Variants in TULP1 observed in about 807,000 individuals in gnomAD.
The protein encoded by TULP1 is tubby-related protein 1.
In TULP1, 50 loss-of-function variants were observed where a neutral mutation model predicts 67.1. That is an observed-to-expected ratio of 0.75 (90% CI 0.59 to 0.94). The LOEUF (loss-of-function observed/expected upper bound fraction) is 0.94. Ranked by LOEUF, TULP1 falls within the 40% of genes least tolerant of loss-of-function variation. The pLI is 0.00. For missense variants in TULP1, 746 were observed against 734.1 expected (o/e 1.02, Z -0.19); for synonymous variants, 297 against 294.0 (o/e 1.01, Z -0.11).
chr6:35,509,870 A>C lies in TULP1; in HGVS notation c.558T>G (p.Ala186=). ...PKPLRVRNKE[A]PAGEGTKMRK... is the part of the protein sequence containing the mutation. ...TCATCTTGGTCCCCTCCCCTGCTGG[A>C]GCTTCCTTATTCCTAACACGCAGAG... is the stretch of plus-strand genomic sequence containing the variant. Residue 186 remains alanine (A), a synonymous_variant, in exon 6 of 15, where the codon GCT becomes GCG. Coordinates refer to ENST00000229771, the MANE Select transcript of TULP1 (RefSeq NM_003322.6). The C allele has an allele frequency of 6.2e-7, 1 of 1,613,678 alleles. No individual in the cohort carries two copies. Among genetic ancestry groups the C allele is most frequent in the Non-Finnish European group, 8.5e-7 (1 of 1,179,934 alleles).
rs1405332347 is a variant in TULP1, at chr6:35,512,222, CG to C, written c.147del (p.Glu50AsnfsTer59). 4 of 1,368,656 alleles carry C rather than the reference CG, an allele frequency of 2.9e-6. No individual in the cohort carries two copies. The highest frequency in any genetic ancestry group is 1.9e-6 in the Non-Finnish European group (2 of 1,060,396). The allele number at this position is 1,368,656 out of a possible 1,614,324, so 84.8% of individuals were successfully genotyped here. A position where few individuals can be genotyped will look rare whatever the true frequency, so the allele number is the denominator to read the frequency against. On this transcript the variant is annotated frameshift_variant, in exon 3 of 15. Coordinates refer to ENST00000229771, the MANE Select transcript of TULP1 (RefSeq NM_003322.6). LOFTEE classifies it high-confidence loss of function. ...QRLRKKRTEA[P>X]ESPCPTGSKP... is the part of the protein sequence containing the mutation. The stretch of plus-strand genomic sequence containing the variant: ...TTGGATCCCGTGGGGCAGGGGGATT[CG>C]GGGGCCTCCGTCCTCTTCTTCCTTA...
intron 13 of TULP1, among the ~76,000 whole-genome samples, chr6:35,501,604 G>A (rs1298180154): frequency 2.1e-5 from 3 of 141,978 alleles, no homozygotes; most frequent in African/African-American, 6.1e-5. Context: ...TTGAGGTCAG[G>A]AGTTCAAGAC....
At chr6:35,501,884 C>T (rs766774044) in intron 13 of TULP1, among the ~76,000 whole-genome samples, 8 of 152,206 alleles carry the variant, frequency 5.3e-5, no homozygotes, top group Non-Finnish European at 1.0e-4. Flanking sequence ...TCCCATTTCT[C>T]TCAGAGCAAA....
chr6:35,509,236 C>T lies in TULP1; in HGVS notation c.795G>A (p.Lys265=). Residue 265 remains lysine, a synonymous_variant, in exon 8 of 15, where the codon AAG becomes AAA. Coordinates refer to ENST00000229771, the MANE Select transcript of TULP1 (RefSeq NM_003322.6). ...TTTTGCCTTTTCCTTTGGCTTTGCC[C>T]TTTTGATTGCTCTTCTTTATCACCG... ...AATVIKKSNQ[K]GKAKGKGKKK... 1 of 1,614,024 alleles carries T rather than the reference C, an allele frequency of 6.2e-7. No homozygotes were observed. Among genetic ancestry groups the T allele is most frequent in the Middle Eastern group, 1.6e-4 (1 of 6,062 alleles).
intron 11 of TULP1, among the ~76,000 whole-genome samples, chr6:35,504,855 C>T (rs943023401): frequency 6.6e-6 from 1 of 151,590 alleles, no homozygotes; most frequent in African/African-American, 2.4e-5. Context: ...TGTGAGCCAT[C>T]ACGCCTGGCC....
chr6:35,502,718 C>T (rs1760993570), intron 13 of TULP1, among the ~76,000 whole-genome samples: 1 of 151,934 alleles, frequency 6.6e-6, no homozygotes, highest in Non-Finnish European at 1.5e-5. Flanking sequence ...AGGCTGGTCT[C>T]GAACTCCTGA....
Position 35,511,678 on chromosome 6 carries a change from G to A in TULP1, c.319C>T (p.Leu107=), listed in dbSNP as rs1307896376. Residue 107 remains leucine (L), a synonymous_variant, in exon 4 of 15, where the codon CTG becomes TTG. Coordinates refer to ENST00000229771, the MANE Select transcript of TULP1 (RefSeq NM_003322.6). ...AKKRDPRETF[L]VARAPDAEDE... is the part of the protein sequence containing the mutation. ...TCCGCGTCTGGGGCACGGGCTACCAGAAAGGTTTCCCGGGGGTCGCGCTTC... is the reference window on the plus strand; with the variant it reads ...TCCGCGTCTGGGGCACGGGCTACCAAAAAGGTTTCCCGGGGGTCGCGCTTC... 1 of 1,596,508 alleles carries A rather than the reference G, an allele frequency of 6.3e-7. No homozygotes were observed. The highest frequency in any genetic ancestry group is 1.3e-5 in the African/African-American group (1 of 74,606).
Position 35,498,571 on chromosome 6 carries a change from C to T in TULP1, c.1496-111G>A. The T allele has an allele frequency of 6.7e-7, 1 of 1,493,920 alleles. No homozygotes were observed. Among genetic ancestry groups the T allele is most frequent in the Non-Finnish European group, 9.1e-7 (1 of 1,099,662 alleles). 92.5% of individuals were successfully genotyped at this position (1,493,920 alleles called of 1,614,324 possible). On this transcript the variant is annotated intron_variant, in intron 14 of 14. Coordinates refer to ENST00000229771, the MANE Select transcript of TULP1 (RefSeq NM_003322.6). The surrounding 1 kb of genome is among the most constrained non-coding windows in gnomAD (Gnocchi z 6.7). ...TCTGTCCCTTGCCTTGGGGCTCCAA[C>T]CCTCAGCCACCATCTCAGTTACTCA...
rs1295484055 is a variant in TULP1 at position 35,511,517 on chromosome 6, A to G, written c.349+131T>C. 4.3e-6 allele frequency: 6 copies of G among 1,409,174 alleles called. No individual in the cohort carries two copies. In the East Asian group the frequency reaches 1.5e-4, roughly 35 times the overall value. The allele number at this position is 1,409,174 out of a possible 1,614,324, so 87.3% of individuals were successfully genotyped here. On this transcript the variant is annotated intron_variant, in intron 4 of 14. Transcript: ENST00000229771. ...GCTTAGCACAATACCTGGCTCAAAG[A>G]TAAGGCCAGAAAAGTGGGGGCTATT... is the stretch of plus-strand genomic sequence containing the variant.
chr6:35,511,604 A>C, intron 4 of TULP1, 44 bp downstream of exon 4: 1 of 1,572,250 alleles, frequency 6.4e-7, no homozygotes, highest in Non-Finnish European at 8.6e-7. Context: ...TTCTCTCCTT[A>C]GCTCCACCGC....
chr6:35,510,637 C>A, intron 5 of TULP1: 1 of 880,102 alleles, frequency 1.1e-6, no homozygotes, highest in African/African-American at 1.7e-5. Flanking sequence ...CTCTGCCTCA[C>A]AGAGCTCAAG....
At position 35,509,868 on chromosome 6, in the gene TULP1, G is replaced by A; in HGVS notation, c.560C>T (p.Pro187Leu). ...KPLRVRNKEA[P>L]AGEGTKMRKT... Reference sequence around the variant, plus strand: ...TCTCATCTTGGTCCCCTCCCCTGCTGGAGCTTCCTTATTCCTAACACGCAG... The same window carrying A: ...TCTCATCTTGGTCCCCTCCCCTGCTAGAGCTTCCTTATTCCTAACACGCAG... The change falls in exon 6 of 15, where the codon CCA becomes CTA. Residue 187 changes from proline to leucine, a missense_variant. Around this residue, in one of 3 missense-constraint regions of TULP1, gnomAD observed 359 missense variants for 341.9 expected, o/e 1.05. Coordinates refer to ENST00000229771, the MANE Select transcript of TULP1 (RefSeq NM_003322.6). 2 of 1,613,968 alleles carry A rather than the reference G, an allele frequency of 1.2e-6. No homozygotes were observed. Among genetic ancestry groups the A allele is most frequent in the Non-Finnish European group, 1.7e-6 (2 of 1,180,012 alleles).
intron 13 of TULP1, 130 bp from the exon 14 acceptor site, chr6:35,500,282 G>T: frequency 7.0e-6 from 7 of 996,134 alleles, no homozygotes; most frequent in East Asian, 2.4e-5. Context: ...ATCCATTAGG[G>T]TATCTGAGAA....
At chr6:35,506,314 C>A in intron 8 of TULP1, 35 bp from the exon 9 acceptor site, 2 of 1,552,586 alleles carry the variant, frequency 1.3e-6, no homozygotes, top group East Asian at 4.9e-5. Flanking sequence ...CTGGCTAGAG[C>A]AGGGGCCGCA....
At position 35,505,819 on chromosome 6, in the gene TULP1, C is replaced by A; in HGVS notation, c.1034G>T (p.Ser345Ile). 1 of 1,614,194 alleles carries A rather than the reference C, an allele frequency of 6.2e-7. No homozygotes were observed. Among genetic ancestry groups the A allele is most frequent in the Non-Finnish European group, 8.5e-7 (1 of 1,180,028 alleles). Residue 345 changes from serine to isoleucine, a missense_variant, in exon 11 of 15, where the codon AGC becomes ATC. This residue lies in a region of TULP1 where 383 missense variants were observed against 374.1 expected (regional missense o/e 1.02). Coordinates refer to ENST00000229771, the MANE Select transcript of TULP1 (RefSeq NM_003322.6). ...FLLAGRKRKR[S>I]KTANYLISID... Reference sequence around the variant, plus strand: ...GGAGATGAGGTAATTGGCTGTCTTGCTCCGTTTTCGTTTCCTGCCAGCCAA... The same window carrying A: ...GGAGATGAGGTAATTGGCTGTCTTGATCCGTTTTCGTTTCCTGCCAGCCAA...
chr6:35,511,966 C>A, intron 3 of TULP1, 160 bp from the exon 4 acceptor site: 1 of 893,886 alleles, frequency 1.1e-6, no homozygotes. Context: ...TCCCCGGCTT[C>A]CATTCAGCTT....
intron 11 of TULP1, among the ~76,000 whole-genome samples, chr6:35,504,807 C>A (rs906628266): frequency 2.0e-5 from 3 of 151,788 alleles, no homozygotes; most frequent in Non-Finnish European, 2.9e-5. Context: ...ACCTTGTGAT[C>A]CGCCCGCCTC....
intron 8 of TULP1, among the ~76,000 whole-genome samples, chr6:35,507,588 G>A (rs1294353190): frequency 6.6e-6 from 1 of 152,148 alleles, no homozygotes; most frequent in Non-Finnish European, 1.5e-5. Flanking sequence ...TAAAGCCCTA[G>A]GGTGGCCTGG....
rs1427709283 is a variant in TULP1 at position 35,510,024 on chromosome 6, G to C, written c.500-96C>G. ...TGTCCTGCCTATAGTCCCCAGGGAG[G>C]CTGAAAGCTTGACAGGGGCCCACAG... On this transcript the variant is annotated intron_variant, in intron 5 of 14. Transcript: ENST00000229771. The C allele has an allele frequency of 3.3e-6, 4 of 1,225,712 alleles. No individual in the cohort carries two copies. In the Admixed American group the frequency reaches 7.4e-5, roughly 23 times the overall value. The allele number at this position is 1,225,712 out of a possible 1,614,324, so 75.9% of individuals were successfully genotyped here. A position where few individuals can be genotyped will look rare whatever the true frequency, so the allele number is the denominator to read the frequency against.
Sources: allele counts gnomAD v4.1 joint callset (sites outside exome capture counted in the v4.1 genomes callset), GRCh38; gene constraint gnomAD v4.1.1; regional missense constraint gnomAD v4.1.1; non-coding constraint Gnocchi (gnomAD v3.1); transcripts MANE v1.5; gene names NCBI Gene and HGNC (gene_info 2026-07-23, HGNC 2026-07-21).